Variants in NOSTRIN observed in about 807,000 individuals in gnomAD.
NOSTRIN encodes nitric oxide synthase trafficking.
In NOSTRIN, 63 loss-of-function variants were observed where a neutral mutation model predicts 59.0. The ratio of observed to expected loss-of-function variants is 1.07; its 90% confidence interval spans 0.87 to 1.32. The LOEUF (loss-of-function observed/expected upper bound fraction) is 1.32. NOSTRIN is among the 40% of genes most tolerant of loss of function. The probability of loss-of-function intolerance (pLI) is 0.00; values close to 1 mark genes in which losing one functional copy is unlikely to be tolerated. For missense variants in NOSTRIN, 512 were observed against 473.1 expected (o/e 1.08, Z -0.76); for synonymous variants, 200 against 165.4 (o/e 1.21, Z -1.61).
upstream of NOSTRIN, among the ~76,000 whole-genome samples, chr2:168,796,874 C>T (rs890512992): frequency 1.4e-4 from 22 of 152,170 alleles, no homozygotes; most frequent in South Asian, 8.3e-4. Context: ...TGGGCCTACC[C>T]GTAAACAATA....
intron 8 of NOSTRIN, among the ~76,000 whole-genome samples, chr2:168,845,714 T>C (rs572190122): frequency 3.3e-4 from 50 of 152,286 alleles, no homozygotes; most frequent in African/African-American, 1.2e-3. Context: ...AAGGTATACA[T>C]TCATTTACAT....
chr2:168,809,384 C>T (rs1185543981), intron 1 of NOSTRIN, among the ~76,000 whole-genome samples: 1 of 152,168 alleles, frequency 6.6e-6, no homozygotes, highest in Non-Finnish European at 1.5e-5. Context: ...CTTTCAGTCA[C>T]ATGGTTATAG....
intron 2 of NOSTRIN, among the ~76,000 whole-genome samples, chr2:168,791,109 A>G (rs763975552): frequency 6.6e-6 from 1 of 152,132 alleles, no homozygotes. Flanking sequence ...ATCATTTAAC[A>G]TTAGGTATAT....
rs777228397 is a variant in NOSTRIN at position 168,861,960 on chromosome 2, C to T, written c.1295C>T (p.Ala432Val). ...GQSNPGSSTP[A>V]PGAAQLSSRL... Reference sequence around the variant, plus strand: ...CTAATTACAGCTTTATCTATTTCAGCCCCTGGTGCAGCCCAGCTCAGCAGC... The same window carrying T: ...CTAATTACAGCTTTATCTATTTCAGTCCCTGGTGCAGCCCAGCTCAGCAGC... The change falls in exon 15 of 16, where the codon GCC (alanine) becomes GTC (valine). Residue 432 changes from alanine to valine, a missense_variant and splice_region_variant. Physicochemically the swap from Ala to Val is moderately conservative, Grantham distance 64. Coordinates refer to ENST00000317647, the MANE Select transcript of NOSTRIN (RefSeq NM_001039724.4). 1.2e-6 allele frequency: 2 copies of T among 1,613,954 alleles called. No individual in the cohort carries two copies. The highest frequency in any genetic ancestry group is 8.5e-7 in the Non-Finnish European group (1 of 1,179,850).
chr2:168,862,430 G>A (rs1366469507), intron 15 of NOSTRIN, among the ~76,000 whole-genome samples: 3 of 152,178 alleles, frequency 2.0e-5, no homozygotes, highest in African/African-American at 7.2e-5. Flanking sequence ...TAATCACAGT[G>A]CACACTAGGG....
chr2:168,834,507 G>GCGCGCGCGCGCACACACACACACA (rs756381301), intron 7 of NOSTRIN, among the ~76,000 whole-genome samples, 182 bp downstream of exon 7: 42 of 125,336 alleles, frequency 3.4e-4, no homozygotes, highest in Non-Finnish European at 5.1e-4. Context: ...GCGCGCGCGC[G>GCGCGCGCGCGCACACACACACACA]CACACACACA....
At chr2:168,814,789 G>A (rs1686314854) in intron 2 of NOSTRIN, among the ~76,000 whole-genome samples, 1 of 152,138 alleles carries the variant, frequency 6.6e-6, no homozygotes, top group Admixed American at 6.5e-5. Context: ...AAATGGGCTG[G>A]GTGCAGTGGC....
chr2:168,844,911 T>G (rs1688323246), intron 8 of NOSTRIN, among the ~76,000 whole-genome samples: 1 of 151,860 alleles, frequency 6.6e-6, no homozygotes, highest in African/African-American at 2.4e-5. Flanking sequence ...ACCTCTGCAT[T>G]ATGCTCCTGC....
chr2:168,790,115 CT>C (rs1302453258), intron 2 of NOSTRIN, among the ~76,000 whole-genome samples: 1 of 152,178 alleles, frequency 6.6e-6, no homozygotes, highest in Non-Finnish European at 1.5e-5. Flanking sequence ...AGACATCGCT[CT>C]TTGCCTCGTG....
chr2:168,851,033 C>A, intron 8 of NOSTRIN, 51 bp from the exon 9 acceptor site: 1 of 1,059,018 alleles, frequency 9.4e-7, no homozygotes, highest in Non-Finnish European at 1.5e-6. Context: ...TGAGTGACTT[C>A]CATTTTGCAT....
At chr2:168,838,097 A>G (rs1210643224) in intron 7 of NOSTRIN, among the ~76,000 whole-genome samples, 1 of 152,232 alleles carries the variant, frequency 6.6e-6, no homozygotes, top group Non-Finnish European at 1.5e-5. Flanking sequence ...CAACTACAGT[A>G]TCTATGCTGG....
chr2:168,839,921 ATGTGTG>A (rs112687215), intron 7 of NOSTRIN, among the ~76,000 whole-genome samples: 33,775 of 74,772 alleles, frequency 0.45, 8,911 homozygotes, highest in African/African-American at 0.56. Flanking sequence ...ATATATATAT[ATGTGTG>A]TGTGTGTGTG....
intron 12 of NOSTRIN, 79 bp downstream of exon 12, chr2:168,856,857 G>C (rs1689156344): frequency 7.3e-7 from 1 of 1,360,694 alleles, no homozygotes; most frequent in African/African-American, 1.4e-5. Flanking sequence ...TGGTCCACTT[G>C]GCCTTGTTTG....
chr2:168,827,267 T>A (rs1687108921), intron 3 of NOSTRIN, among the ~76,000 whole-genome samples: 1 of 152,086 alleles, frequency 6.6e-6, no homozygotes, highest in African/African-American at 2.4e-5. Flanking sequence ...GACATCACAC[T>A]CCCTAATCCT....
intron 10 of NOSTRIN, among the ~76,000 whole-genome samples, chr2:168,853,223 A>G (rs776981963): frequency 2.4e-4 from 36 of 152,204 alleles, no homozygotes; most frequent in Non-Finnish European, 2.9e-4. Flanking sequence ...TTTTCTTGAC[A>G]TCTTTAAGGC....
At chr2:168,833,824 G>A (rs1687515579) in intron 6 of NOSTRIN, among the ~76,000 whole-genome samples, 1 of 152,096 alleles carries the variant, frequency 6.6e-6, no homozygotes, top group African/African-American at 2.4e-5. Flanking sequence ...CTCAAATCGT[G>A]GCCTAGGTTG....
chr2:168,817,305 T>C (rs1273807833), intron 2 of NOSTRIN, among the ~76,000 whole-genome samples: 1 of 152,176 alleles, frequency 6.6e-6, no homozygotes, highest in African/African-American at 2.4e-5. Context: ...CTTAGGGTCC[T>C]CTATGGAAAG....
chr2:168,828,895 T>C (rs1033324431), intron 5 of NOSTRIN, among the ~76,000 whole-genome samples: 13 of 152,234 alleles, frequency 8.5e-5, no homozygotes, highest in South Asian at 6.2e-4. Flanking sequence ...ATCTCAACTT[T>C]ATAAAATGAA....
chr2:168,802,520 T>C, upstream of NOSTRIN: 1 of 723,488 alleles, frequency 1.4e-6, no homozygotes. Flanking sequence ...CTCCTTGGAA[T>C]GTTTGACAAG....
Sources: allele counts gnomAD v4.1 joint callset (sites outside exome capture counted in the v4.1 genomes callset), GRCh38; gene constraint gnomAD v4.1.1; transcripts MANE v1.5; gene names NCBI Gene and HGNC (gene_info 2026-07-23, HGNC 2026-07-21).